The following CALN1 variants were observed in gnomAD, a reference collection of about 807,000 sequenced individuals.
CALN1 encodes calneuron 1, also known as calcium-binding protein 8.
Under a neutral mutation model 30.6 loss-of-function variants are expected in CALN1, and 17 were observed. The ratio of observed to expected loss-of-function variants is 0.56; its 90% CI spans 0.38 to 0.83. The LOEUF is 0.83. Ranked by LOEUF, CALN1 falls within the 40% of genes least tolerant of loss-of-function variation. CALN1 has a pLI of 0.00. For missense variants in CALN1, 291 were observed against 354.9 expected (o/e 0.82, Z 1.45); for synonymous variants, 156 against 131.4 (o/e 1.19, Z -1.28).
chr7:72,180,491 A>T (rs1446983473), intron 3 of CALN1, among the ~76,000 whole-genome samples: 2 of 147,100 alleles, frequency 1.4e-5, no homozygotes, highest in African/African-American at 5.0e-5. Flanking sequence ...TTCTTCCACA[A>T]TTATTCATTG....
intron 5 of CALN1, among the ~76,000 whole-genome samples, chr7:71,841,462 A>G (rs1324010652): frequency 6.6e-6 from 1 of 152,222 alleles, no homozygotes. Flanking sequence ...AGAGAATTCA[A>G]AACAGAATTA....
intron 1 of CALN1, among the ~76,000 whole-genome samples, chr7:72,408,096 A>T (rs1806829296): frequency 6.6e-6 from 1 of 152,058 alleles, no homozygotes; most frequent in Non-Finnish European, 1.5e-5. Context: ...TTGAACACAC[A>T]TTTAATCAAT....
At chr7:72,376,309 A>G (rs1804551077) in intron 2 of CALN1, among the ~76,000 whole-genome samples, 1 of 152,196 alleles carries the variant, frequency 6.6e-6, no homozygotes, top group Admixed American at 6.5e-5. Flanking sequence ...CCCTTTGAGG[A>G]ATGCCAAGTT....
chr7:71,972,551 C>T (rs868098248), intron 5 of CALN1, among the ~76,000 whole-genome samples: 1 of 152,226 alleles, frequency 6.6e-6, no homozygotes, highest in Middle Eastern at 3.4e-3. Flanking sequence ...AAGGTGTATC[C>T]TCTTTTCCTT....
At chr7:72,079,098 C>A (rs1375518900) in intron 4 of CALN1, among the ~76,000 whole-genome samples, 1 of 152,168 alleles carries the variant, frequency 6.6e-6, no homozygotes, top group Non-Finnish European at 1.5e-5. Flanking sequence ...CTATTCTAGG[C>A]TAATAGAGAA....
At chr7:71,898,066 C>T (rs866362379) in intron 5 of CALN1, among the ~76,000 whole-genome samples, 3 of 135,728 alleles carry the variant, frequency 2.2e-5, no homozygotes, top group Middle Eastern at 5.0e-3. Flanking sequence ...TGGAAACTAT[C>T]AGAAAGAACA....
At chr7:72,262,898 A>G (rs1190540282) in intron 3 of CALN1, among the ~76,000 whole-genome samples, 2 of 152,204 alleles carry the variant, frequency 1.3e-5, no homozygotes, top group African/African-American at 4.8e-5. Flanking sequence ...GGGGAGTAGG[A>G]AAGGTATCCT....
At chr7:72,173,701 G>A (rs1789137556) in intron 3 of CALN1, among the ~76,000 whole-genome samples, 1 of 151,786 alleles carries the variant, frequency 6.6e-6, no homozygotes, top group Non-Finnish European at 1.5e-5. Flanking sequence ...TTGTTTGTTT[G>A]TTTTTAATAA....
intron 2 of CALN1, among the ~76,000 whole-genome samples, chr7:72,385,880 A>G (rs151065919): frequency 1.9e-3 from 294 of 152,322 alleles, no homozygotes; most frequent in Middle Eastern, 0.01. Flanking sequence ...CAAAACTGTG[A>G]GTCAATTTAA....
intron 3 of CALN1, among the ~76,000 whole-genome samples, chr7:72,206,051 G>C (rs972892654): frequency 1.3e-5 from 2 of 152,116 alleles, no homozygotes; most frequent in African/African-American, 4.8e-5. Context: ...TTCATTATTA[G>C]AGTTTTTAAA....
chr7:72,141,013 A>T (rs1809893096), intron 3 of CALN1, among the ~76,000 whole-genome samples: 1 of 152,218 alleles, frequency 6.6e-6, no homozygotes, highest in African/African-American at 2.4e-5. Flanking sequence ...ACCATGGCAG[A>T]CTCAAGCTAT....
intron 4 of CALN1, among the ~76,000 whole-genome samples, chr7:72,029,562 G>T (rs1801305686): frequency 6.6e-6 from 1 of 152,156 alleles, no homozygotes; most frequent in Non-Finnish European, 1.5e-5. Context: ...ACCATGATTA[G>T]AACCTTGGAA....
chr7:72,095,732 T>C (rs1057364164), intron 4 of CALN1, among the ~76,000 whole-genome samples: 4 of 152,020 alleles, frequency 2.6e-5, no homozygotes, highest in Non-Finnish European at 4.4e-5. Flanking sequence ...CTGGGAATCT[T>C]GGTAAAAGGA....
intron 5 of CALN1, among the ~76,000 whole-genome samples, chr7:72,011,553 C>T (rs1315189067): frequency 1.3e-5 from 2 of 152,196 alleles, no homozygotes; most frequent in Non-Finnish European, 2.9e-5. Context: ...CCTGACTGAC[C>T]CCAAGAGGTC....
At chr7:72,022,815 A>T (rs941429116) in intron 5 of CALN1, among the ~76,000 whole-genome samples, 13 of 152,050 alleles carry the variant, frequency 8.5e-5, no homozygotes, top group African/African-American at 3.1e-4. Context: ...TCTATGCAAG[A>T]TGGGTACCTG....
At chr7:72,126,187 G>A (rs1374009294) in intron 3 of CALN1, among the ~76,000 whole-genome samples, 2 of 152,026 alleles carry the variant, frequency 1.3e-5, no homozygotes, top group Non-Finnish European at 2.9e-5. Flanking sequence ...CCATTCCTGA[G>A]TTGCTTCACT....
chr7:72,009,873 C>T (rs995430256), intron 5 of CALN1, among the ~76,000 whole-genome samples: 9 of 152,206 alleles, frequency 5.9e-5, no homozygotes, highest in Admixed American at 2.6e-4. Context: ...ACCTCTTTTA[C>T]TTTATAAATT....
intron 2 of CALN1, among the ~76,000 whole-genome samples, chr7:72,392,661 T>C (rs182559787): frequency 6.6e-6 from 1 of 152,234 alleles, no homozygotes; most frequent in African/African-American, 2.4e-5. Context: ...ACTTTCTCAA[T>C]AGGAGCAAAA....
At chr7:72,218,130 C>T (rs985551232) in intron 3 of CALN1, among the ~76,000 whole-genome samples, 21 of 151,426 alleles carry the variant, frequency 1.4e-4, no homozygotes, top group Admixed American at 9.2e-4. Context: ...GCGTGAGCCA[C>T]CCCGCTCCGC....
Sources: gnomAD v4.1 joint callset for allele counts (sites outside exome capture counted in the v4.1 genomes callset) on GRCh38, gnomAD v4.1.1 for gene constraint, MANE v1.5 for transcripts, NCBI Gene and HGNC (gene_info 2026-07-23, HGNC 2026-07-21) for gene names.